Variants in CYSTM1 observed in about 807,000 individuals in gnomAD.
The protein encoded by CYSTM1 is cysteine-rich transmembrane module-containing protein 1.
Under a neutral mutation model 13.1 loss-of-function variants are expected in CYSTM1, and 4 were observed. That is an observed-to-expected ratio of 0.31 (90% confidence interval 0.15 to 0.70). The LOEUF (loss-of-function observed/expected upper bound fraction) is 0.70. Among genes scored for constraint, CYSTM1 ranks in the 30% least tolerant of loss-of-function variants. CYSTM1 has a pLI of 0.72. For missense variants in CYSTM1, 96 were observed against 121.6 expected, an observed-to-expected ratio of 0.79 and a Z score of 0.99; for synonymous variants, 36 against 42.7, an observed-to-expected ratio of 0.84 and a Z score of 0.62.
chr5:140,209,588 C>G (rs778946155), intron 2 of CYSTM1, among the ~76,000 whole-genome samples: 2 of 150,770 alleles, frequency 1.3e-5, no homozygotes, highest in East Asian at 1.9e-4. Flanking sequence ...TGCCACCATG[C>G]CCAGCTAATT....
intron 2 of CYSTM1, chr5:140,200,555 GC>G (rs1479814421): frequency 1.5e-4 from 15 of 103,280 alleles, no homozygotes; most frequent in South Asian, 9.2e-4. Context: ...CTTCCCCCCG[GC>G]CTTTTTTTTT....
chr5:140,216,254 A>G (rs892384747), intron 2 of CYSTM1, among the ~76,000 whole-genome samples: 2 of 152,222 alleles, frequency 1.3e-5, no homozygotes, highest in African/African-American at 4.8e-5. Context: ...CGATGTCTCC[A>G]TTTCAAATGT....
intron 2 of CYSTM1, among the ~76,000 whole-genome samples, chr5:140,195,242 G>A (rs1352816280): frequency 6.6e-6 from 1 of 152,114 alleles, no homozygotes; most frequent in Non-Finnish European, 1.5e-5. Context: ...CAGAAAGTGA[G>A]AGTAAACATT....
At chr5:140,235,603 C>T (rs1235780665) in intron 2 of CYSTM1, among the ~76,000 whole-genome samples, 3 of 152,068 alleles carry the variant, frequency 2.0e-5, no homozygotes, top group Non-Finnish European at 4.4e-5. Context: ...GACGAGGCTT[C>T]ACGGTGTTAG....
At chr5:140,189,899 T>A (rs1764069249) in intron 1 of CYSTM1, among the ~76,000 whole-genome samples, 1 of 152,210 alleles carries the variant, frequency 6.6e-6, no homozygotes, top group Non-Finnish European at 1.5e-5. Flanking sequence ...TTTGCATAGG[T>A]CTGTGATATG....
At chr5:140,227,124 G>A (rs1561816551) in intron 2 of CYSTM1, among the ~76,000 whole-genome samples, 1 of 152,216 alleles carries the variant, frequency 6.6e-6, no homozygotes, top group Non-Finnish European at 1.5e-5. Flanking sequence ...TGCATAGGCA[G>A]AGACCAATGG....
chr5:140,240,749 G>T (rs1377127020), intron 2 of CYSTM1, among the ~76,000 whole-genome samples: 2 of 152,086 alleles, frequency 1.3e-5, no homozygotes, highest in African/African-American at 2.4e-5. Context: ...CCCACCGCAG[G>T]TGCTCTGAAG....
At chr5:140,233,657 A>C (rs1007770209) in intron 2 of CYSTM1, among the ~76,000 whole-genome samples, 1 of 152,138 alleles carries the variant, frequency 6.6e-6, no homozygotes, top group Non-Finnish European at 1.5e-5. Context: ...ATTGTCAGCA[A>C]TTTTTATTTT....
chr5:140,200,392 G>T (rs1456601702), intron 2 of CYSTM1: 1 of 152,026 alleles, frequency 6.6e-6, no homozygotes, highest in East Asian at 1.9e-4. Context: ...TTTCCCCATT[G>T]CTTGTTTTCG....
intron 2 of CYSTM1, among the ~76,000 whole-genome samples, chr5:140,226,787 G>A (rs1764562326): frequency 6.7e-6 from 1 of 149,328 alleles, no homozygotes. Flanking sequence ...AAAATGTGGA[G>A]GGGATATTTC....
intron 2 of CYSTM1, among the ~76,000 whole-genome samples, chr5:140,231,102 T>C (rs531245823): frequency 6.6e-6 from 1 of 152,338 alleles, no homozygotes; most frequent in East Asian, 1.9e-4. Context: ...ACAAGTAATC[T>C]CTCAATTTAT....
At position 140,175,805 on chromosome 5, in the gene CYSTM1, G is replaced by T. The variant is rs1304721775; in HGVS notation, c.-21+520G>T. Among the ~76,000 whole-genome samples the T allele has an allele frequency of 6.6e-6, 1 of 152,244 alleles. No individual in the cohort carries two copies. Among genetic ancestry groups the T allele is most frequent in the Non-Finnish European group, 1.5e-5 (1 of 68,044 alleles). Reference sequence around the variant, plus strand: ...AGTAACTAGGGAACGCAAAGCCGGCGCTCGGAGGCCGGGGTGTTCAGAGAA... The same window carrying T: ...AGTAACTAGGGAACGCAAAGCCGGCTCTCGGAGGCCGGGGTGTTCAGAGAA... On this transcript the variant is annotated intron_variant, in intron 1 of 2. Transcript: ENST00000261811. This position sits in a 1 kb window ranked among gnomAD's most constrained non-coding sequence, Gnocchi z 4.9.
chr5:140,206,989 C>T (rs1764306624), intron 2 of CYSTM1, among the ~76,000 whole-genome samples: 1 of 152,150 alleles, frequency 6.6e-6, no homozygotes, highest in South Asian at 2.1e-4. Flanking sequence ...CTTCCTTTCA[C>T]ATCTCTGAGC....
rs538044861 is a variant in CYSTM1, at chr5:140,180,729, G to T, written c.-21+5444G>T. On this transcript the variant is annotated intron_variant, in intron 1 of 2. Transcript: ENST00000261811. ...ACATCTAAAGCAAAGGAGACAAATGGTTTGAATCCAGTCTCTGTGGGCAGC... is the reference window on the plus strand; with the variant it reads ...ACATCTAAAGCAAAGGAGACAAATGTTTTGAATCCAGTCTCTGTGGGCAGC... 4.6e-5 allele frequency among the ~76,000 whole-genome samples: 7 copies of T among 152,250 alleles called. No individual in the cohort carries two copies. In the East Asian group the frequency reaches 1.3e-3, roughly 29 times the overall value.
At chr5:140,235,130 C>A (rs1444145150) in intron 2 of CYSTM1, among the ~76,000 whole-genome samples, 1 of 151,784 alleles carries the variant, frequency 6.6e-6, no homozygotes, top group African/African-American at 2.4e-5. Context: ...CCACGCCTGG[C>A]TAATTTTTAT....
intron 2 of CYSTM1, among the ~76,000 whole-genome samples, chr5:140,222,429 G>T (rs1053253484): frequency 2.6e-5 from 4 of 152,202 alleles, no homozygotes; most frequent in Non-Finnish European, 5.9e-5. Flanking sequence ...ATCTGTATTT[G>T]CCAGGCCACT....
At chr5:140,214,558 T>C (rs1764406454) in intron 2 of CYSTM1, among the ~76,000 whole-genome samples, 1 of 152,208 alleles carries the variant, frequency 6.6e-6, no homozygotes, top group Admixed American at 6.5e-5. Context: ...ATGGCCTTGC[T>C]TCATTGTTCT....
intron 2 of CYSTM1, among the ~76,000 whole-genome samples, chr5:140,213,564 T>C (rs1467377702): frequency 2.0e-5 from 3 of 152,246 alleles, no homozygotes; most frequent in African/African-American, 4.8e-5. Context: ...TTCACTCACT[T>C]ACTGACTCAT....
At chr5:140,213,746 C>T (rs529504910) in intron 2 of CYSTM1, among the ~76,000 whole-genome samples, 18 of 152,264 alleles carry the variant, frequency 1.2e-4, no homozygotes, top group South Asian at 8.3e-4. Context: ...ACATGCTGTA[C>T]GCATTTGTAG....
Sources: gnomAD v4.1 joint callset for allele counts (sites outside exome capture counted in the v4.1 genomes callset) on GRCh38, gnomAD v4.1.1 for gene constraint, Gnocchi (gnomAD v3.1) non-coding constraint, MANE v1.5 for transcripts, NCBI Gene and HGNC (gene_info 2026-07-23, HGNC 2026-07-21) for gene names.